The following CLVS1 variants were observed in gnomAD, a reference collection of about 807,000 sequenced individuals.
CLVS1 encodes clavesin 1.
A neutral mutation model predicts 33.1 loss-of-function variants in CLVS1; 10 were observed. The ratio of observed to expected loss-of-function variants is 0.30; its 90% confidence interval spans 0.19 to 0.51. CLVS1 has a LOEUF of 0.51. Among genes scored for constraint, CLVS1 ranks in the 20% least tolerant of loss-of-function variants. The probability of loss-of-function intolerance (pLI) is 0.97; values close to 1 mark genes in which losing one functional copy is unlikely to be tolerated. For missense variants in CLVS1, 343 were observed against 433.4 expected (o/e 0.79, Z 1.85); for synonymous variants, 163 against 166.1 (o/e 0.98, Z 0.14).
chr8:61,299,104 C>A (rs969299229), intron 1 of CLVS1, among the ~76,000 whole-genome samples: 1 of 152,182 alleles, frequency 6.6e-6, no homozygotes, highest in Non-Finnish European at 1.5e-5. Flanking sequence ...CCACTCTTCA[C>A]ACATACTGGT....
chr8:61,493,086 T>C (rs1430457090), intron 5 of CLVS1, among the ~76,000 whole-genome samples: 4 of 152,234 alleles, frequency 2.6e-5, no homozygotes, highest in Non-Finnish European at 4.4e-5. Flanking sequence ...GATGGAAATT[T>C]CTGTGTTACT....
chr8:61,425,440 T>A (rs1051035602), intron 3 of CLVS1, among the ~76,000 whole-genome samples: 1 of 151,924 alleles, frequency 6.6e-6, no homozygotes, highest in Non-Finnish European at 1.5e-5. Flanking sequence ...TTAAAAAAAA[T>A]AAGTTTTATT....
chr8:61,058,070 C>CG (rs1804512174), intron 1 of CLVS1, among the ~76,000 whole-genome samples: 1 of 152,198 alleles, frequency 6.6e-6, no homozygotes. Context: ...AAGTGTACAA[C>CG]CTAGCTAGAC....
At chr8:61,273,495 T>A (rs1240541389) in intron 2 of CLVS1, among the ~76,000 whole-genome samples, 1 of 152,242 alleles carries the variant, frequency 6.6e-6, no homozygotes, top group Non-Finnish European at 1.5e-5. Context: ...CAGGCAGGCC[T>A]CCTTGAGCTG....
At chr8:60,996,861 C>A in the CLVS1 span, among the ~76,000 whole-genome samples, 23 of 152,242 alleles carry the variant, frequency 1.5e-4, no homozygotes, top group Middle Eastern at 6.8e-3. Flanking sequence ...ACCTTCTCTG[C>A]TCTTTTAGTT....
At chr8:61,384,060 C>T (rs1813988422) in intron 3 of CLVS1, among the ~76,000 whole-genome samples, 1 of 152,176 alleles carries the variant, frequency 6.6e-6, no homozygotes, top group African/African-American at 2.4e-5. Flanking sequence ...TGGGCAAGGC[C>T]AGGCCTCAGC....
At chr8:61,305,404 G>GC (rs1227533357) in intron 2 of CLVS1, among the ~76,000 whole-genome samples, 1 of 151,834 alleles carries the variant, frequency 6.6e-6, no homozygotes, top group African/African-American at 2.4e-5. Context: ...TTTACCTCCT[G>GC]CATGTGAGTG....
chr8:61,055,647 G>C (rs1296628165), upstream of CLVS1, among the ~76,000 whole-genome samples: 2 of 152,220 alleles, frequency 1.3e-5, no homozygotes, highest in Non-Finnish European at 2.9e-5. Flanking sequence ...TGGAGACGTA[G>C]AAGCAGACAG....
At chr8:61,339,938 GAA>G (rs1811960935) in intron 2 of CLVS1, among the ~76,000 whole-genome samples, 1 of 148,510 alleles carries the variant, frequency 6.7e-6, no homozygotes, top group Non-Finnish European at 1.5e-5. Context: ...AAAGATAAAA[GAA>G]AGAGAGGGGT....
Position 61,370,960 on chromosome 8 carries a change from G to A in CLVS1, c.456-5645G>A, listed in dbSNP as rs370551815. ...TTGCAAATTATCCCACTATAAACATGCATGAGCAAGTGTCTTTTTCTTATA... is the reference window on the plus strand; with the variant it reads ...TTGCAAATTATCCCACTATAAACATACATGAGCAAGTGTCTTTTTCTTATA... On this transcript the variant is annotated intron_variant, in intron 2 of 5. Coordinates refer to ENST00000325897, the MANE Select transcript of CLVS1 (RefSeq NM_173519.3). Among the ~76,000 whole-genome samples the A allele has an allele frequency of 1.1e-4, 16 of 152,290 alleles. No individual in the cohort carries two copies. In the East Asian group the frequency reaches 2.5e-3, roughly 24 times the overall value.
intron 2 of CLVS1, among the ~76,000 whole-genome samples, chr8:61,192,598 G>GA (rs527668359): frequency 6.6e-6 from 1 of 152,068 alleles, no homozygotes; most frequent in Non-Finnish European, 1.5e-5. Context: ...CAGAATGGGA[G>GA]AAAATTTTTG....
At chr8:61,018,363 G>T in the CLVS1 span, among the ~76,000 whole-genome samples, 1 of 152,192 alleles carries the variant, frequency 6.6e-6, no homozygotes, top group Non-Finnish European at 1.5e-5. Context: ...ATTACAGGGA[G>T]GGAGTGCCTA....
chr8:60,968,292 G>T, the CLVS1 span, among the ~76,000 whole-genome samples: 2 of 152,180 alleles, frequency 1.3e-5, no homozygotes, highest in Non-Finnish European at 2.9e-5. Context: ...GAGGCCGGCG[G>T]ATCACCTGAG....
At chr8:60,979,138 G>A in the CLVS1 span, among the ~76,000 whole-genome samples, 1 of 152,162 alleles carries the variant, frequency 6.6e-6, no homozygotes, top group Non-Finnish European at 1.5e-5. Flanking sequence ...AGTAGGACTG[G>A]GTTCTAGTTG....
At chr8:60,980,669 C>T in the CLVS1 span, among the ~76,000 whole-genome samples, 1 of 152,140 alleles carries the variant, frequency 6.6e-6, no homozygotes, top group Non-Finnish European at 1.5e-5. Flanking sequence ...CCTGTAATCC[C>T]TGCTACTGGG....
intron 5 of CLVS1, among the ~76,000 whole-genome samples, chr8:61,480,267 C>T (rs142934183): frequency 0.01 from 1,595 of 152,356 alleles, 32 homozygotes; most frequent in African/African-American, 0.037. Context: ...TTTACCTACT[C>T]AAGCCTTGTT....
At chr8:61,271,428 C>T (rs1306538667) in intron 2 of CLVS1, among the ~76,000 whole-genome samples, 1 of 148,758 alleles carries the variant, frequency 6.7e-6, no homozygotes, top group East Asian at 2.0e-4. Flanking sequence ...GAGAGCTTTA[C>T]TTCCAAGTAT....
intron 2 of CLVS1, among the ~76,000 whole-genome samples, chr8:61,221,537 C>T (rs536423749): frequency 6.6e-6 from 1 of 152,284 alleles, no homozygotes; most frequent in Non-Finnish European, 1.5e-5. Context: ...ATGAAGCTGA[C>T]TCAATCACAG....
chr8:61,387,440 A>G (rs991814579), intron 3 of CLVS1, among the ~76,000 whole-genome samples: 13 of 151,206 alleles, frequency 8.6e-5, no homozygotes, highest in Non-Finnish European at 1.5e-4. Flanking sequence ...TTTATAGCCC[A>G]AAGACAAAAT....
Sources: allele counts gnomAD v4.1 joint callset (sites outside exome capture counted in the v4.1 genomes callset), GRCh38; gene constraint gnomAD v4.1.1; transcripts MANE v1.5; gene names NCBI Gene and HGNC (gene_info 2026-07-23, HGNC 2026-07-21).